NLK: variants seen among roughly 807,000 people sequenced by gnomAD.
NLK encodes the protein serine/threonine-protein kinase NLK.
Under a neutral mutation model 59.0 loss-of-function variants are expected in NLK, and 11 were observed. That is an observed-to-expected ratio of 0.19 (90% confidence interval 0.12 to 0.31). The LOEUF is 0.31. Among genes scored for constraint, NLK ranks in the 10% least tolerant of loss-of-function variants. NLK has a pLI of 1.00. For missense variants in NLK, 410 were observed against 661.1 expected, an observed-to-expected ratio of 0.62 and a Z score of 4.16; for synonymous variants, 235 against 235.9, an observed-to-expected ratio of 1.00 and a Z score of 0.03.
intron 1 of NLK, among the ~76,000 whole-genome samples, chr17:28,099,600 C>T (rs1177463798): frequency 2.6e-5 from 3 of 116,938 alleles, no homozygotes; most frequent in African/African-American, 3.5e-5. Context: ...GAGACGGAGT[C>T]TTGCTCTGTC....
At chr17:28,057,625 T>A (rs1477855511) in intron 1 of NLK, among the ~76,000 whole-genome samples, 1 of 152,200 alleles carries the variant, frequency 6.6e-6, no homozygotes, top group East Asian at 1.9e-4. Flanking sequence ...TAGTGTAAGA[T>A]CTGGTTTCAC....
chr17:28,203,563 G>T, the NLK span, among the ~76,000 whole-genome samples: 1 of 151,968 alleles, frequency 6.6e-6, no homozygotes, highest in African/African-American at 2.4e-5. Flanking sequence ...TTGAGATGGA[G>T]TCTCACCATG....
intron 1 of NLK, among the ~76,000 whole-genome samples, chr17:28,081,159 A>G (rs539970349): frequency 3.4e-4 from 52 of 151,640 alleles, no homozygotes; most frequent in Middle Eastern, 6.8e-3. Context: ...CAAAGTGCTC[A>G]GATTAGAGGC....
intron 1 of NLK, 124 bp from the exon 2 acceptor site, chr17:28,122,479 A>G (rs1906107934): frequency 2.1e-6 from 2 of 968,254 alleles, no homozygotes. Flanking sequence ...AAGCTTCATT[A>G]AGTGGACTTA....
At chr17:28,191,813 A>G (rs1478999675) in intron 9 of NLK, among the ~76,000 whole-genome samples, 1 of 152,236 alleles carries the variant, frequency 6.6e-6, no homozygotes, top group African/African-American at 2.4e-5. Context: ...ATTGCCAGCA[A>G]CTTAGAAGAG....
chr17:28,152,200 T>C (rs1017167655), intron 3 of NLK, among the ~76,000 whole-genome samples: 1 of 152,250 alleles, frequency 6.6e-6, no homozygotes, highest in African/African-American at 2.4e-5. Flanking sequence ...AATATCTGCT[T>C]AGAACAGTAC....
chr17:28,075,003 G>A (rs1910121947), intron 1 of NLK, among the ~76,000 whole-genome samples: 1 of 152,176 alleles, frequency 6.6e-6, no homozygotes, highest in Admixed American at 6.5e-5. Flanking sequence ...AAATTAGGAT[G>A]TTTCTTACAA....
At chr17:28,162,917 T>C (rs1471105714) in intron 4 of NLK, among the ~76,000 whole-genome samples, 2 of 143,878 alleles carry the variant, frequency 1.4e-5, no homozygotes, top group African/African-American at 5.3e-5. Context: ...AGACCCTGTC[T>C]CAAAAAAAAA....
intron 3 of NLK, among the ~76,000 whole-genome samples, chr17:28,151,666 CT>C (rs893825037): frequency 2.0e-5 from 3 of 152,176 alleles, no homozygotes. Flanking sequence ...TTGCCCTGAA[CT>C]TTCCAGTTAA....
chr17:28,139,640 A>T (rs567628511), intron 3 of NLK, among the ~76,000 whole-genome samples: 1 of 152,334 alleles, frequency 6.6e-6, no homozygotes, highest in South Asian at 2.1e-4. Context: ...TAATTTTTTT[A>T]AAAATGTAAT....
intron 1 of NLK, among the ~76,000 whole-genome samples, chr17:28,107,046 A>C (rs1905194992): frequency 6.6e-6 from 1 of 152,234 alleles, no homozygotes; most frequent in African/African-American, 2.4e-5. Context: ...TACACAACTA[A>C]GTATTTTGAA....
intron 3 of NLK, among the ~76,000 whole-genome samples, chr17:28,155,191 T>G (rs1907652102): frequency 6.6e-6 from 1 of 152,108 alleles, no homozygotes. Flanking sequence ...AGGGATTCCC[T>G]TGCTTGTTTT....
At chr17:28,043,508 G>T (rs1414014543) in intron 1 of NLK, among the ~76,000 whole-genome samples, 177 bp downstream of exon 1, 2 of 152,200 alleles carry the variant, frequency 1.3e-5, no homozygotes, top group Admixed American at 1.3e-4. Flanking sequence ...GGCTGTCTAG[G>T]CTCATGGCAA....
intron 6 of NLK, among the ~76,000 whole-genome samples, chr17:28,170,597 A>G (rs1843172823): frequency 6.6e-6 from 1 of 152,206 alleles, no homozygotes; most frequent in Admixed American, 6.5e-5. Flanking sequence ...TCACTTTTCA[A>G]TTTCTTCAGA....
At chr17:28,106,499 A>G (rs1449019324) in intron 1 of NLK, among the ~76,000 whole-genome samples, 3 of 151,972 alleles carry the variant, frequency 2.0e-5, no homozygotes, top group Non-Finnish European at 4.4e-5. Flanking sequence ...AATAAGAGAT[A>G]ATATCTCACT....
intron 3 of NLK, among the ~76,000 whole-genome samples, chr17:28,153,088 A>G (rs1907552631): frequency 6.6e-6 from 1 of 152,030 alleles, no homozygotes; most frequent in Admixed American, 6.6e-5. Context: ...AGCCTGACCA[A>G]CATGGAGAAA....
intron 1 of NLK, among the ~76,000 whole-genome samples, chr17:28,095,152 C>T (rs1396557891): frequency 6.6e-6 from 1 of 152,162 alleles, no homozygotes; most frequent in Non-Finnish European, 1.5e-5. Flanking sequence ...GGATTGTCCT[C>T]ATGGGGAAAG....
rs554573711 is a variant in NLK, at chr17:28,182,745, A to G, written c.1150-2434A>G. On this transcript the variant is annotated intron_variant, in intron 7 of 10. Coordinates refer to ENST00000407008, the MANE Select transcript of NLK (RefSeq NM_016231.5). ...CTGTTCTCTTGTTAGTAGACCATTA[A>G]TGATGTAGTAACAAAATGTAAATGC... Among the ~76,000 whole-genome samples the G allele has an allele frequency of 2.6e-5, 4 of 152,160 alleles. No individual in the cohort carries two copies. In the South Asian group the frequency reaches 8.3e-4, roughly 32 times the overall value.
chr17:28,189,755 A>G (rs578115785), intron 8 of NLK, among the ~76,000 whole-genome samples: 2 of 152,350 alleles, frequency 1.3e-5, no homozygotes, highest in East Asian at 3.9e-4. Flanking sequence ...AAAAAAAGAA[A>G]AGGAAAAAGT....
Sources: gnomAD v4.1 joint callset for allele counts (sites outside exome capture counted in the v4.1 genomes callset) on GRCh38, gnomAD v4.1.1 for gene constraint, MANE v1.5 for transcripts, NCBI Gene and HGNC (gene_info 2026-07-23, HGNC 2026-07-21) for gene names.